ZNF521: variants seen among roughly 807,000 people sequenced by gnomAD.
ZNF521 encodes the protein zinc finger protein 521.
In ZNF521, 14 loss-of-function variants were observed where a neutral mutation model predicts 105.5. The ratio of observed to expected loss-of-function variants is 0.13; its 90% CI spans 0.09 to 0.21. The LOEUF (loss-of-function observed/expected upper bound fraction) is 0.21. ZNF521 is among the 10% of genes least tolerant of loss of function. ZNF521 has a pLI of 1.00. For synonymous variants in ZNF521, 635 were observed against 606.0 expected, an observed-to-expected ratio of 1.05 and a Z score of -0.70; for missense variants, 1,233 against 1,629.7, an observed-to-expected ratio of 0.76 and a Z score of 4.19.
chr18:25,086,141 T>A (rs1340451728), intron 7 of ZNF521, among the ~76,000 whole-genome samples: 3 of 152,122 alleles, frequency 2.0e-5, no homozygotes, highest in Non-Finnish European at 4.4e-5. Context: ...CTACAGTGGC[T>A]GATAAAATGG....
At chr18:25,081,907 G>A (rs1036203544) in intron 7 of ZNF521, among the ~76,000 whole-genome samples, 1 of 152,152 alleles carries the variant, frequency 6.6e-6, no homozygotes. Context: ...TCCTGTTTGT[G>A]TCCTATGTGA....
At chr18:25,212,796 T>C (rs2036216136) in intron 4 of ZNF521, among the ~76,000 whole-genome samples, 2 of 151,328 alleles carry the variant, frequency 1.3e-5, no homozygotes, top group African/African-American at 2.4e-5. Context: ...TCTAAGTACC[T>C]ATTTTTTTCT....
intron 5 of ZNF521, among the ~76,000 whole-genome samples, chr18:25,156,710 T>C (rs571090917): frequency 6.6e-6 from 1 of 152,116 alleles, no homozygotes; most frequent in African/African-American, 2.4e-5. Flanking sequence ...TATGTTACAT[T>C]TAAAAATACC....
chr18:25,289,162 T>G (rs1409651049), intron 3 of ZNF521, among the ~76,000 whole-genome samples: 1 of 152,208 alleles, frequency 6.6e-6, no homozygotes, highest in Non-Finnish European at 1.5e-5. Context: ...GAAATTCGGT[T>G]GCTATGCTAG....
chr18:25,215,639 T>G (rs2036266773), intron 4 of ZNF521, among the ~76,000 whole-genome samples: 1 of 152,206 alleles, frequency 6.6e-6, no homozygotes, highest in African/African-American at 2.4e-5. Context: ...TTCCTATTTT[T>G]GAATTTCATA....
intron 5 of ZNF521, among the ~76,000 whole-genome samples, chr18:25,139,202 C>G (rs2034796017): frequency 6.6e-6 from 1 of 151,292 alleles, no homozygotes; most frequent in Non-Finnish European, 1.5e-5. Flanking sequence ...AACCCCGTCT[C>G]TACTAAAAAT....
At chr18:25,145,735 C>T (rs868462510) in intron 5 of ZNF521, among the ~76,000 whole-genome samples, 15 of 152,144 alleles carry the variant, frequency 9.9e-5, no homozygotes, top group African/African-American at 2.9e-4. Context: ...TACACTTCTA[C>T]CTATTCAAAA....
intron 5 of ZNF521, among the ~76,000 whole-genome samples, chr18:25,165,481 T>C (rs1305351127): frequency 3.3e-5 from 5 of 152,204 alleles, no homozygotes; most frequent in African/African-American, 2.4e-5. Flanking sequence ...AAGTTCCTCA[T>C]ACAGTGTGAG....
chr18:25,095,895 C>A (rs377273146), intron 5 of ZNF521, among the ~76,000 whole-genome samples: 1 of 152,104 alleles, frequency 6.6e-6, no homozygotes, highest in African/African-American at 2.4e-5. Flanking sequence ...ACACAGAATA[C>A]CCCTCTCTGT....
At chr18:25,188,091 T>A (rs1448757803) in intron 5 of ZNF521, among the ~76,000 whole-genome samples, 1 of 151,964 alleles carries the variant, frequency 6.6e-6, no homozygotes, top group African/African-American at 2.4e-5. Flanking sequence ...TTCATGCTTG[T>A]CTCCTTTCCA....
At position 25,249,473 on chromosome 18, in the gene ZNF521, T is replaced by C. The variant is rs543220632; in HGVS notation, c.221-21776A>G. 1.2e-3 allele frequency among the ~76,000 whole-genome samples: 182 copies of C among 151,888 alleles called. 1 individual carries two copies. Among genetic ancestry groups the C allele is most frequent in the African/African-American group, 4.3e-3 (178 of 41,434 alleles). On this transcript the variant is annotated intron_variant, in intron 3 of 7. Coordinates refer to ENST00000361524, the MANE Select transcript of ZNF521 (RefSeq NM_015461.3). ...CGCCGGGCCTTTACTTTCTTTCTTTTTTTTTTTTAAGACAGTCTTGTTCTG... is the reference window on the plus strand; with the variant it reads ...CGCCGGGCCTTTACTTTCTTTCTTTCTTTTTTTTAAGACAGTCTTGTTCTG...
intron 3 of ZNF521, among the ~76,000 whole-genome samples, chr18:25,304,543 G>A (rs1210956927): frequency 6.6e-6 from 1 of 152,150 alleles, no homozygotes; most frequent in African/African-American, 2.4e-5. Context: ...CAAATGTTGT[G>A]ACAGAATTCT....
intron 2 of ZNF521, among the ~76,000 whole-genome samples, chr18:25,343,855 G>C (rs45505202): frequency 0.094 from 14,348 of 152,046 alleles, 1,130 homozygotes; most frequent in East Asian, 0.39. Flanking sequence ...AGAAAGGGGA[G>C]TTTTTACACA....
At chr18:25,253,134 G>A (rs1186798712) in intron 3 of ZNF521, among the ~76,000 whole-genome samples, 5 of 151,982 alleles carry the variant, frequency 3.3e-5, no homozygotes, top group Non-Finnish European at 5.9e-5. Flanking sequence ...ATTATTTACA[G>A]CAGTACTTGT....
intron 4 of ZNF521, among the ~76,000 whole-genome samples, chr18:25,222,622 C>T (rs1555649034): frequency 3.9e-5 from 6 of 152,156 alleles, no homozygotes; most frequent in Non-Finnish European, 8.8e-5. Flanking sequence ...GTAAATTAAA[C>T]ATGAGTATCA....
chr18:25,303,025 G>C (rs1911729059), intron 3 of ZNF521: 1 of 152,114 alleles, frequency 6.6e-6, no homozygotes, highest in Admixed American at 6.5e-5. Context: ...TGTTTAAAGG[G>C]AATCAACTCA....
chr18:25,284,270 C>G (rs540950086), intron 3 of ZNF521, among the ~76,000 whole-genome samples: 1 of 152,286 alleles, frequency 6.6e-6, no homozygotes, highest in East Asian at 1.9e-4. Flanking sequence ...CACTCCCACC[C>G]TTGCCCTCAA....
intron 2 of ZNF521, 114 bp downstream of exon 2, chr18:25,350,793 A>G (rs1914713712): frequency 1.6e-5 from 19 of 1,151,580 alleles, no homozygotes; most frequent in Middle Eastern, 4.8e-4. Flanking sequence ...GCGCCCCCGC[A>G]CTCACACTCA....
At position 25,116,923 on chromosome 18, in the gene ZNF521, G is replaced by GTATA. The variant is rs35050905; in HGVS notation, c.3659-24846_3659-24843dup. On this transcript the variant is annotated intron_variant, in intron 5 of 7. Coordinates refer to ENST00000361524, the MANE Select transcript of ZNF521 (RefSeq NM_015461.3). ...TATGTGTATATATACGTATATCTAT[G>GTATA]TATATATATACGTATATATACACAT... Among the ~76,000 whole-genome samples the GTATA allele has an allele frequency of 4.2e-3, 555 of 133,726 alleles. 6 individuals carry two copies. Among genetic ancestry groups the GTATA allele is most frequent in the African/African-American group, 0.016 (514 of 32,538 alleles). 87.7% of individuals were successfully genotyped at this position (133,726 alleles called of 152,430 possible). A position where few individuals can be genotyped will look rare whatever the true frequency, so the allele number is the denominator to read the frequency against.
Sources: allele counts gnomAD v4.1 joint callset (sites outside exome capture counted in the v4.1 genomes callset), GRCh38; gene constraint gnomAD v4.1.1; transcripts MANE v1.5; gene names NCBI Gene and HGNC (gene_info 2026-07-23, HGNC 2026-07-21).